Variants in LIMS1 observed in about 807,000 individuals in gnomAD.
LIMS1 encodes the protein LIM zinc finger domain containing 1, also known as LIM and senescent cell antigen-like-containing domain protein 1.
Under a neutral mutation model 44.1 loss-of-function variants are expected in LIMS1, and 18 were observed. The observed-to-expected ratio is 0.41, with a 90% confidence interval of 0.28 to 0.61. The LOEUF (loss-of-function observed/expected upper bound fraction) is 0.61, where lower values mean the gene tolerates loss of function less well. Among genes scored for constraint, LIMS1 ranks in the 20% least tolerant of loss-of-function variants. LIMS1 has a pLI of 0.32. For missense variants in LIMS1, 201 were observed against 422.0 expected (o/e 0.48, Z 4.59); for synonymous variants, 93 against 149.1 (o/e 0.62, Z 2.74).
chr2:108,598,001 A>AT (rs1274030147), intron 1 of LIMS1, among the ~76,000 whole-genome samples: 3 of 151,550 alleles, frequency 2.0e-5, no homozygotes, highest in Non-Finnish European at 4.4e-5. Context: ...CAGAAATGCT[A>AT]TTTTTTTAAA....
In LIMS1 at chr2:108,546,269, C is replaced by CTTTTTTTTT. The variant is rs35959257; in HGVS notation, c.32+11690_32+11698dup. Among the ~76,000 whole-genome samples the CTTTTTTTTT allele has an allele frequency of 1.7e-4, 15 of 90,880 alleles. 1 individual carries two copies. The highest frequency in any genetic ancestry group is 4.8e-4 in the African/African-American group (11 of 23,074). 59.6% of individuals were successfully genotyped at this position (90,880 alleles called of 152,430 possible). On this transcript the variant is annotated intron_variant, in intron 1 of 9. Transcript: ENST00000544547. ...TTTTCCCTTGCTCTCAGGCTACCGC[C>CTTTTTTTTT]TTTTTTTTTTTTTTTTTTTTTTTAG...
At chr2:108,634,494 GC>G (rs1689104157) in intron 1 of LIMS1, among the ~76,000 whole-genome samples, 1 of 152,124 alleles carries the variant, frequency 6.6e-6, no homozygotes. Flanking sequence ...ACAGAACATT[GC>G]CCCTACCACT....
chr2:108,603,448 T>G (rs1402908986), intron 1 of LIMS1, among the ~76,000 whole-genome samples: 1 of 151,916 alleles, frequency 6.6e-6, no homozygotes, highest in Non-Finnish European at 1.5e-5. Context: ...CCACTAATGA[T>G]CCTTTGAATT....
At chr2:108,614,309 C>G (rs1573452312) in intron 1 of LIMS1, among the ~76,000 whole-genome samples, 2 of 152,184 alleles carry the variant, frequency 1.3e-5, no homozygotes, top group South Asian at 4.2e-4. Flanking sequence ...CAGACCCTGC[C>G]TAGGCTTCCA....
intron 1 of LIMS1, among the ~76,000 whole-genome samples, chr2:108,591,453 C>CT (rs1235610837): frequency 4.5e-4 from 69 of 151,978 alleles, no homozygotes; most frequent in Non-Finnish European, 2.9e-5. Flanking sequence ...TTCAGTGAAA[C>CT]TTTTTTTAAA....
chr2:108,579,996 C>T (rs546056023), intron 1 of LIMS1, among the ~76,000 whole-genome samples: 20 of 152,248 alleles, frequency 1.3e-4, no homozygotes, highest in African/African-American at 3.9e-4. Flanking sequence ...TGGGGGATGC[C>T]GGGTGGGAGC....
intron 1 of LIMS1, among the ~76,000 whole-genome samples, chr2:108,600,802 T>C (rs1218786945): frequency 2.0e-5 from 3 of 152,260 alleles, no homozygotes; most frequent in African/African-American, 7.2e-5. Context: ...AATCCAGTAA[T>C]GTGATTCCCC....
chr2:108,644,214 G>T (rs1462902013), intron 1 of LIMS1, among the ~76,000 whole-genome samples: 4 of 152,114 alleles, frequency 2.6e-5, no homozygotes, highest in African/African-American at 9.7e-5. Flanking sequence ...TCCTAACTGG[G>T]AGACACCTCC....
chr2:108,666,837 A>G (rs558068668), intron 2 of LIMS1, among the ~76,000 whole-genome samples: 1 of 152,346 alleles, frequency 6.6e-6, no homozygotes, highest in East Asian at 1.9e-4. Flanking sequence ...AGGATATTAC[A>G]AAGGATACAG....
chr2:108,548,991 G>A (rs529964753), intron 1 of LIMS1, among the ~76,000 whole-genome samples: 26 of 152,208 alleles, frequency 1.7e-4, no homozygotes, highest in African/African-American at 4.1e-4. Flanking sequence ...TTGATAAGAC[G>A]TTACTTTCTA....
chr2:108,593,988 A>G (rs1686538228), intron 1 of LIMS1, among the ~76,000 whole-genome samples: 1 of 152,228 alleles, frequency 6.6e-6, no homozygotes, highest in Non-Finnish European at 1.5e-5. Flanking sequence ...TCACACATGA[A>G]ATAGCTAGAA....
At chr2:108,561,509 T>A (rs986499444) in intron 1 of LIMS1, among the ~76,000 whole-genome samples, 1 of 152,132 alleles carries the variant, frequency 6.6e-6, no homozygotes, top group Non-Finnish European at 1.5e-5. Flanking sequence ...TATGCATCTA[T>A]GTGTGTGTAG....
At chr2:108,620,558 C>T (rs564539394) in intron 1 of LIMS1, among the ~76,000 whole-genome samples, 1 of 152,306 alleles carries the variant, frequency 6.6e-6, no homozygotes, top group East Asian at 1.9e-4. Flanking sequence ...CTAACATTGT[C>T]ACTTTCCGAG....
At chr2:108,582,342 G>A (rs538676533) in intron 1 of LIMS1, among the ~76,000 whole-genome samples, 31 of 152,354 alleles carry the variant, frequency 2.0e-4, no homozygotes, top group African/African-American at 7.5e-4. Context: ...GATGCTGAAT[G>A]TCATGAAGTA....
intron 1 of LIMS1, among the ~76,000 whole-genome samples, chr2:108,559,069 CTAAGCCTTGCT>C (rs772614279): frequency 2.6e-5 from 4 of 152,198 alleles, no homozygotes; most frequent in Non-Finnish European, 4.4e-5. Flanking sequence ...GAGCAAGGAG[CTAAGCCTTGCT>C]TAGCTAAGCC....
chr2:108,603,043 C>T (rs1051775605), intron 1 of LIMS1, among the ~76,000 whole-genome samples: 1 of 152,188 alleles, frequency 6.6e-6, no homozygotes, highest in Non-Finnish European at 1.5e-5. Flanking sequence ...GCCTTGGCCT[C>T]CCAAAATGCT....
At chr2:108,623,932 A>G (rs1558814804) in intron 1 of LIMS1, among the ~76,000 whole-genome samples, 2 of 152,266 alleles carry the variant, frequency 1.3e-5, no homozygotes, top group South Asian at 2.1e-4. Context: ...TGTAATACAC[A>G]TGAAAATAGT....
intron 1 of LIMS1, among the ~76,000 whole-genome samples, chr2:108,659,366 C>CA (rs1404687843): frequency 1.3e-5 from 2 of 151,830 alleles, no homozygotes; most frequent in Non-Finnish European, 2.9e-5. Context: ...AGAAGAATGC[C>CA]AAAAATGTTA....
rs71381966 is a variant in LIMS1 at position 108,549,279 on chromosome 2, C to CTTTTTTTTTTTTTTTTTT, written c.32+14701_32+14718dup. ...ATAATAATGTACAAGTAAAGTGTTT[C>CTTTTTTTTTTTTTTTTTT]TTTTTTTTTTTTTTTTTTTTTTTTT... On this transcript the variant is annotated intron_variant, in intron 1 of 9. Transcript: ENST00000544547. Among the ~76,000 whole-genome samples the CTTTTTTTTTTTTTTTTTT allele has an allele frequency of 9.0e-5, 5 of 55,792 alleles. 1 individual carries two copies. Among genetic ancestry groups the CTTTTTTTTTTTTTTTTTT allele is most frequent in the Non-Finnish European group, 9.4e-5 (3 of 32,026 alleles). 36.6% of individuals were successfully genotyped at this position (55,792 alleles called of 152,430 possible).
Sources: gnomAD v4.1 joint callset for allele counts (sites outside exome capture counted in the v4.1 genomes callset) on GRCh38, gnomAD v4.1.1 for gene constraint, MANE v1.5 for transcripts, NCBI Gene and HGNC (gene_info 2026-07-23, HGNC 2026-07-21) for gene names.